The following LINGO2 variants were observed in gnomAD, a reference collection of about 807,000 sequenced individuals.
The protein encoded by LINGO2 is leucine rich repeat and Ig domain containing 2.
In LINGO2, 14 loss-of-function variants were observed where a neutral mutation model predicts 30.6. The observed-to-expected ratio is 0.46, with a 90% CI of 0.30 to 0.72. The LOEUF (loss-of-function observed/expected upper bound fraction) is 0.72. LINGO2 is among the 30% of genes least tolerant of loss of function. The pLI is 0.07. For missense variants in LINGO2, 729 were observed against 751.7 expected (o/e 0.97, Z 0.35); for synonymous variants, 317 against 288.5 (o/e 1.10, Z -1.00).
the LINGO2 span, among the ~76,000 whole-genome samples, chr9:28,920,237 C>G: frequency 6.6e-6 from 1 of 151,938 alleles, no homozygotes; most frequent in East Asian, 1.9e-4. Flanking sequence ...CTGATGAAGT[C>G]TGGTACCAAT....
intron 4 of LINGO2, among the ~76,000 whole-genome samples, chr9:28,122,663 A>G (rs1439704132): frequency 6.6e-6 from 1 of 152,234 alleles, no homozygotes; most frequent in African/African-American, 2.4e-5. Flanking sequence ...CCTGGGAATT[A>G]AAAGCAACCT....
chr9:28,323,042 A>G (rs904967531), intron 3 of LINGO2, among the ~76,000 whole-genome samples: 21 of 152,190 alleles, frequency 1.4e-4, no homozygotes, highest in African/African-American at 5.1e-4. Context: ...GTTAACCTGG[A>G]ATCACATGTT....
intron 1 of LINGO2, among the ~76,000 whole-genome samples, chr9:28,484,519 A>G (rs1826095473): frequency 6.6e-6 from 1 of 152,100 alleles, no homozygotes; most frequent in African/African-American, 2.4e-5. Flanking sequence ...ACTTTCTTGA[A>G]TACAAAATGG....
At chr9:28,536,499 C>T (rs1236262082) in intron 1 of LINGO2, among the ~76,000 whole-genome samples, 1 of 151,960 alleles carries the variant, frequency 6.6e-6, no homozygotes, top group Non-Finnish European at 1.5e-5. Flanking sequence ...GAAGACAGCC[C>T]CTTACCCATA....
the LINGO2 span, among the ~76,000 whole-genome samples, chr9:28,922,253 CAA>C: frequency 6.6e-6 from 1 of 152,116 alleles, no homozygotes; most frequent in South Asian, 2.1e-4. Context: ...TTGTCGTGTT[CAA>C]ACTAGTGCAT....
chr9:28,621,827 G>A lies in LINGO2; in HGVS notation c.-365+48373C>T, dbSNP rs1433806751. Among the ~76,000 whole-genome samples the A allele has an allele frequency of 2.6e-5, 4 of 152,048 alleles. No individual in the cohort carries two copies. In the East Asian group the frequency reaches 7.7e-4, roughly 29 times the overall value. ...ATAATATTGTATATATATTAAGTGT[G>A]TCACAGCATTCTGTCTAAAAATGTA... is the stretch of plus-strand genomic sequence containing the variant. On this transcript the variant is annotated intron_variant, in intron 1 of 5. Coordinates refer to ENST00000379992, the Ensembl canonical transcript of LINGO2.
At chr9:28,929,627 C>T in the LINGO2 span, among the ~76,000 whole-genome samples, 7 of 152,264 alleles carry the variant, frequency 4.6e-5, no homozygotes, top group South Asian at 1.0e-3. Context: ...CTTTCAATAT[C>T]GGCATGGACA....
At chr9:29,094,267 C>A in the LINGO2 span, among the ~76,000 whole-genome samples, 2 of 138,774 alleles carry the variant, frequency 1.4e-5, no homozygotes, top group African/African-American at 2.7e-5. Flanking sequence ...GGTGATTTAA[C>A]CCTCTTTATA....
the LINGO2 span, among the ~76,000 whole-genome samples, chr9:29,095,875 C>G: frequency 1.4e-5 from 2 of 138,184 alleles, 1 homozygote; most frequent in African/African-American, 5.5e-5. Flanking sequence ...TTTCTAGTAA[C>G]TAAGTAAGAA....
chr9:28,344,854 T>G (rs1819504166), intron 3 of LINGO2, among the ~76,000 whole-genome samples: 1 of 152,090 alleles, frequency 6.6e-6, no homozygotes, highest in South Asian at 2.1e-4. Flanking sequence ...TAGCAAACAG[T>G]TTACCTCCCT....
Position 28,580,952 on chromosome 9 carries a change from G to A in LINGO2, c.-365+89248C>T, listed in dbSNP as rs915470334. 9.2e-5 allele frequency among the ~76,000 whole-genome samples: 14 copies of A among 151,928 alleles called. No homozygotes were observed. In the East Asian group the frequency reaches 1.2e-3, roughly 13 times the overall value. ...TTTCACTGTAAACAAAATAAATTCT[G>A]GCTGCTCCCTAGTCACTTTAAACAG... On this transcript the variant is annotated intron_variant, in intron 1 of 5. Transcript: ENST00000379992.
chr9:28,880,397 T>G, the LINGO2 span, among the ~76,000 whole-genome samples: 1 of 152,218 alleles, frequency 6.6e-6, no homozygotes, highest in African/African-American at 2.4e-5. Context: ...AAAATCAAGG[T>G]TTAAGTGATC....
Position 28,251,164 on chromosome 9 carries a change from GC to G in LINGO2, c.-87+44043del, listed in dbSNP as rs35569021. Among the ~76,000 whole-genome samples the G allele has an allele frequency of 4.4e-3, 670 of 152,106 alleles. 3 individuals carry two copies. The highest frequency in any genetic ancestry group is 0.014 in the Middle Eastern group (4 of 294). On this transcript the variant is annotated intron_variant, in intron 4 of 5. Coordinates refer to ENST00000379992, the Ensembl canonical transcript of LINGO2. ...GAAAACCTCTGTGAATTCTTTCTCTGCCCCCTATGATGAATATAAATCTTTC... is the reference window on the plus strand; with the variant it reads ...GAAAACCTCTGTGAATTCTTTCTCTGCCCCTATGATGAATATAAATCTTTC...
intron 4 of LINGO2, among the ~76,000 whole-genome samples, chr9:28,074,580 A>G (rs1029324139): frequency 6.6e-6 from 1 of 152,180 alleles, no homozygotes; most frequent in African/African-American, 2.4e-5. Context: ...GAGGAAGTAC[A>G]TAGAGACTTA....
chr9:28,526,872 G>C (rs894859500), intron 1 of LINGO2, among the ~76,000 whole-genome samples: 1 of 152,094 alleles, frequency 6.6e-6, no homozygotes, highest in Admixed American at 6.6e-5. Context: ...TATTCTAAGA[G>C]ATTATAGCAG....
Position 28,129,025 on chromosome 9 carries a change from C to T in LINGO2, c.-86-116620G>A, listed in dbSNP as rs1050195860. Among the ~76,000 whole-genome samples the T allele has an allele frequency of 2.6e-5, 4 of 152,140 alleles. No individual in the cohort carries two copies. The highest frequency in any genetic ancestry group is 7.2e-5 in the African/African-American group (3 of 41,422). On this transcript the variant is annotated intron_variant, in intron 4 of 5. Coordinates refer to ENST00000379992, the Ensembl canonical transcript of LINGO2. The surrounding 1 kb of genome is among the most constrained non-coding windows in gnomAD (Gnocchi z 4.0). ...CATCTTTCTCCCATGCTCTATGCTT[C>T]CTGGCCTGAAACATCAGACTCCAAG...
the LINGO2 span, among the ~76,000 whole-genome samples, chr9:28,957,019 C>A: frequency 6.6e-6 from 1 of 151,902 alleles, no homozygotes; most frequent in Admixed American, 6.6e-5. Context: ...TGATTCTAAG[C>A]AGGACTAAGT....
chr9:28,691,412 C>T, the LINGO2 span, among the ~76,000 whole-genome samples: 2 of 152,264 alleles, frequency 1.3e-5, no homozygotes, highest in African/African-American at 4.8e-5. Flanking sequence ...TCCCACAACA[C>T]AGTGAATGCA....
chr9:28,515,209 T>TC (rs1820572275), intron 1 of LINGO2, among the ~76,000 whole-genome samples: 1 of 135,234 alleles, frequency 7.4e-6, no homozygotes, highest in African/African-American at 3.5e-5. Flanking sequence ...AATACATTTT[T>TC]TTTTTTTTTT....
Sources: allele counts gnomAD v4.1 joint callset (sites outside exome capture counted in the v4.1 genomes callset), GRCh38; gene constraint gnomAD v4.1.1; non-coding constraint Gnocchi (gnomAD v3.1); transcripts MANE v1.5; gene names NCBI Gene and HGNC (gene_info 2026-07-23, HGNC 2026-07-21).